The following RELN variants were observed in gnomAD, a reference collection of about 807,000 sequenced individuals.
RELN encodes reelin.
Under a neutral mutation model 427.6 loss-of-function variants are expected in RELN, and 108 were observed. That is an observed-to-expected ratio of 0.25 (90% CI 0.22 to 0.30). The LOEUF is 0.30. Ranked by LOEUF, RELN falls within the 10% of genes least tolerant of loss-of-function variation. The probability of loss-of-function intolerance (pLI) is 1.00; values close to 1 mark genes in which losing one functional copy is unlikely to be tolerated. For synonymous variants in RELN, 1,524 were observed against 1,513.4 expected (o/e 1.01, Z -0.16); for missense variants, 3,715 against 4,302.8 (o/e 0.86, Z 3.82).
chr7:103,485,407 AC>A (rs1423204948), intron 61 of RELN, among the ~76,000 whole-genome samples: 1 of 152,156 alleles, frequency 6.6e-6, no homozygotes, highest in Non-Finnish European at 1.5e-5. Flanking sequence ...TTTCATGTAA[AC>A]TATCTTCCCA....
rs375004506 is a variant in RELN at position 103,515,327 on chromosome 7, G to A, written c.7977C>T (p.Leu2659=). 6.2e-7 allele frequency: 1 copy of A among 1,613,966 alleles called. No homozygotes were observed. The highest frequency in any genetic ancestry group is 8.5e-7 in the Non-Finnish European group (1 of 1,180,006). The change falls in exon 50 of 65, where the codon CTC becomes CTT. Residue 2659 remains leucine (L), a synonymous_variant. Transcript: ENST00000428762. ...DQNDWAIDNV[L]ISGSADQRTV... is the part of the protein sequence containing the mutation. ...TCCTTTGGTCAGCAGAGCCTGAGATGAGGACATTGTCAATGGCCCAGTCGT... is the reference window on the plus strand; with the variant it reads ...TCCTTTGGTCAGCAGAGCCTGAGATAAGGACATTGTCAATGGCCCAGTCGT...
At chr7:103,897,285 A>G (rs564607743) in intron 2 of RELN, among the ~76,000 whole-genome samples, 13 of 152,284 alleles carry the variant, frequency 8.5e-5, no homozygotes, top group African/African-American at 1.7e-4. Context: ...CCATGCAAAT[A>G]TAACTGTTGA....
intron 11 of RELN, among the ~76,000 whole-genome samples, chr7:103,674,046 T>C (rs1833454661): frequency 6.6e-6 from 1 of 152,154 alleles, no homozygotes; most frequent in Non-Finnish European, 1.5e-5. Flanking sequence ...CTTCTTTAAT[T>C]CCTGTTTCTA....
chr7:103,837,613 C>T (rs1793442013), intron 2 of RELN, among the ~76,000 whole-genome samples: 1 of 152,194 alleles, frequency 6.6e-6, no homozygotes, highest in Admixed American at 6.5e-5. Flanking sequence ...CTATGCTAGG[C>T]CTAATGATAC....
chr7:103,630,039 C>T lies in RELN; in HGVS notation c.2603G>A (p.Ser868Asn), dbSNP rs926955647. The T allele has an allele frequency of 3.7e-6, 6 of 1,613,434 alleles. No individual in the cohort carries two copies. The highest frequency in any genetic ancestry group is 1.7e-5 in the Admixed American group (1 of 59,998). Residue 868 changes from serine (S) to asparagine (N), a missense_variant, in exon 20 of 65, where the codon AGC becomes AAC. By Grantham distance (46) the Ser-to-Asn change is conservative. Coordinates refer to ENST00000428762, the MANE Select transcript of RELN (RefSeq NM_005045.4). ...AAGATTGGTAAAGTCAAGACTAATG[C>T]TGTTGAAAAGCACAGATGTCATGAT... ...EIIMTSVLFNSISLDFTNLVE... is the reference protein window; with the variant it reads ...EIIMTSVLFNNISLDFTNLVE...
intron 40 of RELN, 73 bp from the exon 41 acceptor site, chr7:103,551,369 A>G: frequency 9.6e-7 from 1 of 1,042,488 alleles, no homozygotes; most frequent in Non-Finnish European, 1.4e-6. Flanking sequence ...CCACTTCATT[A>G]TTTTCTAGGG....
chr7:103,646,102 C>A (rs879262224), intron 16 of RELN, among the ~76,000 whole-genome samples: 6 of 151,468 alleles, frequency 4.0e-5, no homozygotes, highest in Non-Finnish European at 7.4e-5. Flanking sequence ...AGAGACATAA[C>A]AAAACTTCTA....
intron 2 of RELN, among the ~76,000 whole-genome samples, chr7:103,844,264 C>T (rs1276464750): frequency 6.6e-6 from 1 of 152,166 alleles, no homozygotes; most frequent in Non-Finnish European, 1.5e-5. Flanking sequence ...CTCCAATATT[C>T]TCAAGCCTGT....
intron 11 of RELN, among the ~76,000 whole-genome samples, chr7:103,672,833 CT>C (rs1833423809): frequency 6.6e-6 from 1 of 151,992 alleles, no homozygotes; most frequent in Non-Finnish European, 1.5e-5. Flanking sequence ...TAATTTTTAA[CT>C]TGTTTATTAT....
intron 7 of RELN, 74 bp from the exon 8 acceptor site, chr7:103,723,265 CG>C: frequency 1.2e-6 from 1 of 862,052 alleles, no homozygotes. Flanking sequence ...GGGAGGGGTA[CG>C]GGGAGGGGAA....
At chr7:103,948,820 C>A (rs1490014290) in intron 1 of RELN, among the ~76,000 whole-genome samples, 1 of 151,810 alleles carries the variant, frequency 6.6e-6, no homozygotes, top group Non-Finnish European at 1.5e-5. Context: ...TTGAGACCAG[C>A]CTGGGCAATG....
chr7:103,930,438 G>C lies in RELN; in HGVS notation c.227-13253C>G, dbSNP rs1030499703. On this transcript the variant is annotated intron_variant, in intron 1 of 64. Transcript: ENST00000428762. ...CAGGGGGTTGTGGCGGGGGACGGGT[G>C]GGGGGTGTGGACAGTTCAGCCCCCC... is the stretch of plus-strand genomic sequence containing the variant. Among the ~76,000 whole-genome samples the C allele has an allele frequency of 2.6e-5, 4 of 151,710 alleles. No homozygotes were observed. In the East Asian group the frequency reaches 7.7e-4, roughly 29 times the overall value.
intron 1 of RELN, among the ~76,000 whole-genome samples, chr7:103,963,880 G>T (rs1239724488): frequency 6.6e-6 from 1 of 152,142 alleles, no homozygotes; most frequent in East Asian, 1.9e-4. Context: ...AACTAACAAA[G>T]GGCTGGACAT....
intron 13 of RELN, among the ~76,000 whole-genome samples, chr7:103,653,388 C>T (rs1215129956): frequency 6.6e-6 from 1 of 151,976 alleles, no homozygotes; most frequent in African/African-American, 2.4e-5. Context: ...CCCATTCTAA[C>T]CTTGATGTTT....
intron 7 of RELN, among the ~76,000 whole-genome samples, chr7:103,725,467 C>CTGTGGTGGGAGGA (rs1554407377): frequency 6.6e-6 from 1 of 151,770 alleles, no homozygotes; most frequent in African/African-American, 2.4e-5. Context: ...AGGCAGGAGG[C>CTGTGGTGGGAGGA]TGAGGTCATA....
In RELN at chr7:103,565,515, A is replaced by C. The variant is rs751824218; in HGVS notation, c.4973T>G (p.Val1658Gly). ...PRYAETWDFH[V>G]SASTFLQFEM... ...AAACTGCAAAAAGGTAGATGCTGAC[A>C]CATGAAAATCCCAGGTCTCAGCATA... Residue 1658 changes from valine to glycine, a missense_variant, in exon 34 of 65, where the codon GTG becomes GGG. Physicochemically the swap from Val to Gly is moderately radical, Grantham distance 109. Transcript: ENST00000428762. 7 of 1,613,754 alleles carry C rather than the reference A, an allele frequency of 4.3e-6. No individual in the cohort carries two copies. Among genetic ancestry groups the C allele is most frequent in the Non-Finnish European group, 2.5e-6 (3 of 1,179,900 alleles).
At chr7:103,904,939 T>C (rs1230925705) in intron 2 of RELN, among the ~76,000 whole-genome samples, 2 of 149,600 alleles carry the variant, frequency 1.3e-5, no homozygotes, top group Non-Finnish European at 3.0e-5. Flanking sequence ...TGCTGTAAGA[T>C]ACGAGGCTGG....
chr7:103,984,519 T>A (rs2116849883), intron 1 of RELN, among the ~76,000 whole-genome samples: 1 of 152,282 alleles, frequency 6.6e-6, no homozygotes, highest in Middle Eastern at 3.4e-3. Flanking sequence ...AAGACTTGAT[T>A]TTAGTTTAAA....
chr7:103,791,782 T>TA (rs1318154053), intron 3 of RELN, among the ~76,000 whole-genome samples: 8 of 13,084 alleles, frequency 6.1e-4, no homozygotes, highest in South Asian at 5.6e-3. Context: ...AAAAAGTTTT[T>TA]AAAAAAAAAG....
Sources: allele counts gnomAD v4.1 joint callset (sites outside exome capture counted in the v4.1 genomes callset), GRCh38; gene constraint gnomAD v4.1.1; transcripts MANE v1.5; gene names NCBI Gene and HGNC (gene_info 2026-07-23, HGNC 2026-07-21).